The following SLC25A48 variants were observed in gnomAD, a reference collection of about 807,000 sequenced individuals.
The protein encoded by SLC25A48 is CTC-321K16.1.
Under a neutral mutation model 32.2 loss-of-function variants are expected in SLC25A48, and 29 were observed. That is an observed-to-expected ratio of 0.90 (90% CI 0.67 to 1.23). The LOEUF (loss-of-function observed/expected upper bound fraction) is 1.23, where lower values mean the gene tolerates loss of function less well. Ranked by LOEUF, SLC25A48 falls within the 50% of genes most tolerant of loss-of-function variation. The pLI, the probability that SLC25A48 is intolerant of heterozygous loss-of-function variation, is 0.00. For missense variants in SLC25A48, 399 were observed against 422.7 expected, an observed-to-expected ratio of 0.94 and a Z score of 0.49; for synonymous variants, 164 against 172.3, an observed-to-expected ratio of 0.95 and a Z score of 0.38.
At chr5:135,719,174 G>A (rs1461552783) in intron 3 of SLC25A48, among the ~76,000 whole-genome samples, 1 of 152,150 alleles carries the variant, frequency 6.6e-6, no homozygotes, top group African/African-American at 2.4e-5. Context: ...TAAAAGATGG[G>A]CTAACTCTAA....
intron 4 of SLC25A48, among the ~76,000 whole-genome samples, chr5:135,828,356 A>G (rs955926793): frequency 2.0e-5 from 3 of 152,224 alleles, no homozygotes; most frequent in Non-Finnish European, 4.4e-5. Context: ...CATGGTGCAG[A>G]GTACTTGACA....
chr5:135,645,955 G>T (rs1361941858), intron 3 of SLC25A48, among the ~76,000 whole-genome samples: 1 of 152,164 alleles, frequency 6.6e-6, no homozygotes, highest in African/African-American at 2.4e-5. Context: ...GCATTGATGG[G>T]CATGACCAGG....
intron 1 of SLC25A48, among the ~76,000 whole-genome samples, chr5:135,617,384 GTTTA>G (rs1234700031): frequency 2.0e-5 from 3 of 151,494 alleles, no homozygotes; most frequent in Non-Finnish European, 4.4e-5. Context: ...TATCAATTTT[GTTTA>G]TTTGTTTTTA....
intron 3 of SLC25A48, among the ~76,000 whole-genome samples, chr5:135,645,376 C>A (rs1752934940): frequency 6.6e-6 from 1 of 152,238 alleles, no homozygotes; most frequent in South Asian, 2.1e-4. Flanking sequence ...TACCCCTGAA[C>A]AACCATCAGC....
chr5:135,787,974 A>T (rs1280419090), intron 3 of SLC25A48, among the ~76,000 whole-genome samples: 10 of 151,938 alleles, frequency 6.6e-5, no homozygotes, highest in Non-Finnish European at 1.5e-4. Context: ...ATAATATTCT[A>T]GGGTGATGTT....
intron 3 of SLC25A48, among the ~76,000 whole-genome samples, chr5:135,679,079 C>A (rs79669271): frequency 0.021 from 3,241 of 152,164 alleles, 48 homozygotes; most frequent in Non-Finnish European, 0.028. Context: ...GTCTTGGGCC[C>A]CTGGGCAGCA....
intron 3 of SLC25A48, among the ~76,000 whole-genome samples, chr5:135,732,466 G>A (rs1308874082): frequency 6.6e-6 from 1 of 152,076 alleles, no homozygotes; most frequent in East Asian, 1.9e-4. Flanking sequence ...AGGCATGTGA[G>A]TAAAGTCAAT....
chr5:135,840,676 T>C (rs1758915986), intron 1 of SLC25A48, among the ~76,000 whole-genome samples: 1 of 152,212 alleles, frequency 6.6e-6, no homozygotes, highest in Non-Finnish European at 1.5e-5. Context: ...ACCTTGCCTT[T>C]TGTGTCTGGC....
intron 3 of SLC25A48, among the ~76,000 whole-genome samples, chr5:135,721,570 T>C (rs1425709397): frequency 6.6e-6 from 1 of 152,130 alleles, no homozygotes; most frequent in South Asian, 2.1e-4. Context: ...CATGTAAGAT[T>C]CATTTCCAAA....
At chr5:135,677,317 T>C (rs1753794587) in intron 3 of SLC25A48, among the ~76,000 whole-genome samples, 1 of 152,146 alleles carries the variant, frequency 6.6e-6, no homozygotes, top group Non-Finnish European at 1.5e-5. Flanking sequence ...TTGGTCTATA[T>C]GTGACTGTTT....
At chr5:135,653,168 T>G (rs950330244) in intron 3 of SLC25A48, among the ~76,000 whole-genome samples, 4 of 152,238 alleles carry the variant, frequency 2.6e-5, no homozygotes, top group Non-Finnish European at 2.9e-5. Flanking sequence ...AATAAATTTC[T>G]GTTCTTTATA....
At chr5:135,697,353 C>A (rs1047984767) in intron 3 of SLC25A48, among the ~76,000 whole-genome samples, 1 of 152,192 alleles carries the variant, frequency 6.6e-6, no homozygotes, top group African/African-American at 2.4e-5. Flanking sequence ...CTCTGCTCAG[C>A]TCTGCAAGGG....
chr5:135,683,823 C>A (rs142258131), intron 3 of SLC25A48, among the ~76,000 whole-genome samples: 1 of 152,184 alleles, frequency 6.6e-6, no homozygotes, highest in East Asian at 1.9e-4. Flanking sequence ...GGATGCCCTG[C>A]GGGAATCATT....
intron 3 of SLC25A48, among the ~76,000 whole-genome samples, chr5:135,774,133 C>A (rs1460355786): frequency 5.3e-5 from 8 of 151,598 alleles, no homozygotes; most frequent in Non-Finnish European, 7.4e-5. Context: ...GGTGTGTACA[C>A]CCCCCTGTGA....
intron 3 of SLC25A48, among the ~76,000 whole-genome samples, chr5:135,737,436 G>T (rs944179070): frequency 6.6e-6 from 1 of 152,184 alleles, no homozygotes; most frequent in Non-Finnish European, 1.5e-5. Flanking sequence ...GGATGTATAT[G>T]TGCAGGTCAC....
upstream of SLC25A48, among the ~76,000 whole-genome samples, chr5:135,829,775 C>T (rs754032774): frequency 6.6e-6 from 1 of 151,978 alleles, no homozygotes; most frequent in Non-Finnish European, 1.5e-5. Context: ...TTTTTAATAG[C>T]ATGGACCCTG....
Position 135,813,972 on chromosome 5 carries a change from A to G in SLC25A48, c.-117+1046A>G, listed in dbSNP as rs1351468834. 5.3e-5 allele frequency among the ~76,000 whole-genome samples: 8 copies of G among 152,350 alleles called. No homozygotes were observed. In the East Asian group the frequency reaches 1.5e-3, roughly 29 times the overall value. On this transcript the variant is annotated intron_variant, in intron 4 of 10. Transcript: ENST00000646290. ...CGAGAAAGAAAAGCACATAGGTGAC[A>G]CAGAGTGTGCTATTCCTGTCACTCC...
chr5:135,742,379 C>G, intron 3 of SLC25A48: 2 of 1,139,410 alleles, frequency 1.8e-6, no homozygotes, highest in Non-Finnish European at 1.2e-6. Flanking sequence ...CCACACCTGG[C>G]CTAGGAATCC....
chr5:135,701,666 G>T (rs1023681303), intron 3 of SLC25A48, among the ~76,000 whole-genome samples: 7 of 152,172 alleles, frequency 4.6e-5, no homozygotes, highest in African/African-American at 1.7e-4. Flanking sequence ...TAGTGTCTGA[G>T]CCAGCAGACT....
Sources: allele counts gnomAD v4.1 joint callset (sites outside exome capture counted in the v4.1 genomes callset), GRCh38; gene constraint gnomAD v4.1.1; transcripts MANE v1.5; gene names NCBI Gene and HGNC (gene_info 2026-07-23, HGNC 2026-07-21).